Variants in CPD observed in about 807,000 individuals in gnomAD.
The protein encoded by CPD is carboxypeptidase D, also known as metallocarboxypeptidase D.
A neutral mutation model predicts 138.3 loss-of-function variants in CPD; 69 were observed. The ratio of observed to expected loss-of-function variants is 0.50; its 90% CI spans 0.41 to 0.61. CPD has a LOEUF of 0.61. CPD is among the 20% of genes least tolerant of loss of function. CPD has a pLI of 0.00. For synonymous variants in CPD, 651 were observed against 642.1 expected, an observed-to-expected ratio of 1.01 and a Z score of -0.21; for missense variants, 1,432 against 1,733.3, an observed-to-expected ratio of 0.83 and a Z score of 3.09.
chr17:30,432,034 T>C (rs1356434582), intron 8 of CPD, among the ~76,000 whole-genome samples, 153 bp downstream of exon 8: 1 of 152,190 alleles, frequency 6.6e-6, no homozygotes, highest in Non-Finnish European at 1.5e-5. Context: ...TTCTCCTGTT[T>C]CCCACCTCAC....
At chr17:30,386,437 A>G (rs547160168) in intron 2 of CPD, among the ~76,000 whole-genome samples, 1 of 152,308 alleles carries the variant, frequency 6.6e-6, no homozygotes, top group African/African-American at 2.4e-5. Context: ...ACATACATAT[A>G]TATATACATA....
intron 9 of CPD, among the ~76,000 whole-genome samples, chr17:30,439,403 T>TC (rs1485357934): frequency 2.7e-5 from 4 of 150,454 alleles, no homozygotes; most frequent in South Asian, 2.1e-4. Flanking sequence ...TCTTTTTTTT[T>TC]TTTTCTTTTC....
At chr17:30,380,407 T>C (rs777753919) in intron 1 of CPD, 27 of 1,074,926 alleles carry the variant, frequency 2.5e-5, no homozygotes, top group African/African-American at 1.5e-4. Flanking sequence ...TAAGAAGATA[T>C]GGACTTAGCT....
At chr17:30,396,375 TAAA>T (rs901313250) in intron 2 of CPD, among the ~76,000 whole-genome samples, 2 of 145,060 alleles carry the variant, frequency 1.4e-5, no homozygotes, top group African/African-American at 2.5e-5. Flanking sequence ...CAGAGGCAAG[TAAA>T]AAAAAAAACA....
intron 20 of CPD, among the ~76,000 whole-genome samples, chr17:30,463,762 T>C (rs1280590668): frequency 1.3e-5 from 2 of 152,154 alleles, no homozygotes; most frequent in Non-Finnish European, 2.9e-5. Context: ...ATAGATCCTG[T>C]GTGGTGTGTT....
intron 2 of CPD, among the ~76,000 whole-genome samples, chr17:30,397,500 A>G (rs576203221): frequency 6.6e-6 from 1 of 152,258 alleles, no homozygotes; most frequent in Non-Finnish European, 1.5e-5. Flanking sequence ...TGGGAGGCCG[A>G]TGCAGAAGGA....
In CPD at chr17:30,421,767, G is replaced by A. The variant is rs1482773359; in HGVS notation, c.1241G>A (p.Gly414Asp). ...GGTATTAATCATAATATCACAACAG[G>A]CAGATTTGGTGATTTCTACCGATTA... ...VAGINHNITTGRFGDFYRLLV... is the reference protein window; with the variant it reads ...VAGINHNITTDRFGDFYRLLV... Residue 414 changes from glycine (G) to aspartate (D), a missense_variant, in exon 4 of 21, where the codon GGC becomes GAC. Gly to Asp is a moderately conservative substitution (Grantham distance 94, BLOSUM62 -1). Around this residue, in one of 6 missense-constraint regions of CPD, gnomAD observed 160 missense variants for 197.9 expected, o/e 0.81. Transcript: ENST00000225719. 1 of 1,613,656 alleles carries A rather than the reference G, an allele frequency of 6.2e-7. No homozygotes were observed. The highest frequency in any genetic ancestry group is 8.5e-7 in the Non-Finnish European group (1 of 1,179,660).
At chr17:30,459,203 ATT>A (rs1207709641) in intron 17 of CPD, among the ~76,000 whole-genome samples, 2 of 84,020 alleles carry the variant, frequency 2.4e-5, no homozygotes, top group South Asian at 3.3e-4. Flanking sequence ...TTTTTTATTT[ATT>A]TTTATTTATT....
At position 30,445,839 on chromosome 17, in the gene CPD, A is replaced by G. The variant is rs28396255; in HGVS notation, c.2692A>G (p.Thr898Ala). 3.7e-6 allele frequency: 6 copies of G among 1,614,148 alleles called. No individual in the cohort carries two copies. The highest frequency in any genetic ancestry group is 3.3e-5 in the Admixed American group (2 of 59,976). The change falls in exon 12 of 21, where the codon ACT (threonine) becomes GCT (alanine). Residue 898 changes from threonine (T) to alanine (A), a missense_variant. Transcript: ENST00000225719. Reference sequence around the variant, plus strand: ...CAGCACCAATGATGCCAGTGATCCAACTACTAAAGAGTTTGAAACTTTAAT... The same window carrying G: ...CAGCACCAATGATGCCAGTGATCCAGCTACTAAAGAGTTTGAAACTTTAAT... ...SSSTNDASDP[T>A]TKEFETLIKD...
intron 3 of CPD, among the ~76,000 whole-genome samples, chr17:30,421,413 T>C (rs1479164345): frequency 6.6e-6 from 1 of 152,160 alleles, no homozygotes; most frequent in African/African-American, 2.4e-5. Context: ...TTGAGAAAAT[T>C]AGAAATCTGG....
chr17:30,395,424 G>C (rs1911477452), intron 2 of CPD, among the ~76,000 whole-genome samples: 4 of 152,020 alleles, frequency 2.6e-5, no homozygotes, highest in Admixed American at 2.6e-4. Context: ...TTTAAAATCT[G>C]AGTGCTGCCT....
At chr17:30,455,592 A>G (rs1913271969) in intron 15 of CPD, 122 bp downstream of exon 15, 1 of 1,083,602 alleles carries the variant, frequency 9.2e-7, no homozygotes, top group Non-Finnish European at 1.3e-6. Context: ...TGAGCAAATT[A>G]CCAACCAAAG....
At position 30,417,611 on chromosome 17, in the gene CPD, A is replaced by G. The variant is rs529828649; in HGVS notation, c.995-3230A>G. On this transcript the variant is annotated intron_variant, in intron 2 of 20. Coordinates refer to ENST00000225719, the MANE Select transcript of CPD (RefSeq NM_001304.5). ...TTCTTTCTCTCAACTCCCACTATCT[A>G]TCAGATCCTGTCAGTATCTTGTCTC... Among the ~76,000 whole-genome samples, 8 of 152,142 alleles carry G rather than the reference A, an allele frequency of 5.3e-5. No individual in the cohort carries two copies. The East Asian group carries it at 1.4e-3, about 26-fold the overall frequency.
At chr17:30,459,651 T>G (rs1913414735) in intron 17 of CPD, among the ~76,000 whole-genome samples, 1 of 152,152 alleles carries the variant, frequency 6.6e-6, no homozygotes, top group South Asian at 2.1e-4. Context: ...GTCATTCCAT[T>G]TGAATTTGAG....
In CPD at chr17:30,422,992, G is replaced by A; in HGVS notation, c.1626G>A (p.Glu542=). ...SVESRELYVM[E]ISDNPGVHEP... Reference sequence around the variant, plus strand: ...AGTCAAGAGAACTTTATGTGATGGAGATATCTGATAATCCGGGTGTCCATG... The same window carrying A: ...AGTCAAGAGAACTTTATGTGATGGAAATATCTGATAATCCGGGTGTCCATG... The change falls in exon 5 of 21, where the codon GAG becomes GAA. Residue 542 remains glutamate, a synonymous_variant. Transcript: ENST00000225719. 3 of 1,613,254 alleles carry A rather than the reference G, an allele frequency of 1.9e-6. No individual in the cohort carries two copies. Among genetic ancestry groups the A allele is most frequent in the Non-Finnish European group, 1.7e-6 (2 of 1,179,404 alleles).
rs745560379 is a variant in CPD at position 30,445,802 on chromosome 17, A to G, written c.2655A>G (p.Lys885=). The stretch of plus-strand genomic sequence containing the variant: ...CAAACAATGAATCAAAGAAAGGAAA[A>G]GGGGCTAGCAGCAGCACCAATGATG... ...TDSNNESKKG[K]GASSSTNDAS... is the part of the protein sequence containing the mutation. The change falls in exon 12 of 21, where the codon AAA becomes AAG. Residue 885 remains lysine (K), a synonymous_variant. Transcript: ENST00000225719. 6.2e-7 allele frequency: 1 copy of G among 1,614,066 alleles called. No homozygotes were observed. Among genetic ancestry groups the G allele is most frequent in the Non-Finnish European group, 8.5e-7 (1 of 1,179,968 alleles).
In CPD at chr17:30,388,735, T is replaced by C. The variant is rs1307070904; in HGVS notation, c.994+3499T>C. 2.6e-5 allele frequency among the ~76,000 whole-genome samples: 4 copies of C among 151,994 alleles called. No homozygotes were observed. In the East Asian group the frequency reaches 7.7e-4, roughly 29 times the overall value. ...CCCCTGGGAGCCTGTGGCGGGTGGC[T>C]CCTAATCCTCGCTGGGCCTGGGCCA... On this transcript the variant is annotated intron_variant, in intron 2 of 20. Coordinates refer to ENST00000225719, the MANE Select transcript of CPD (RefSeq NM_001304.5).
intron 8 of CPD, among the ~76,000 whole-genome samples, chr17:30,437,743 C>T (rs1458362107): frequency 6.8e-6 from 1 of 147,560 alleles, no homozygotes; most frequent in Non-Finnish European, 1.5e-5. Flanking sequence ...ATAATTATTA[C>T]AGTAATCTAA....
chr17:30,465,475 C>G lies in CPD; in HGVS notation c.*661C>G, dbSNP rs189793681. The G allele has an allele frequency of 6.5e-6, 1 of 152,732 alleles. No homozygotes were observed. The highest frequency in any genetic ancestry group is 1.5e-5 in the Non-Finnish European group (1 of 68,040). The allele number at this position is 152,732 out of a possible 1,614,324, so 9.5% of individuals were successfully genotyped here. A position where few individuals can be genotyped will look rare whatever the true frequency, so the allele number is the denominator to read the frequency against. The stretch of plus-strand genomic sequence containing the variant: ...ACCTCTCTTAAGGTTTAGCAAACTT[C>G]TAAATAGCCCATTTTAAGGGAGAAC... On this transcript the variant is annotated 3_prime_UTR_variant, in exon 21 of 21. Transcript: ENST00000225719.
Sources: gnomAD v4.1 joint callset for allele counts (sites outside exome capture counted in the v4.1 genomes callset) on GRCh38, gnomAD v4.1.1 for gene constraint, gnomAD v4.1.1 regional missense constraint, MANE v1.5 for transcripts, NCBI Gene and HGNC (gene_info 2026-07-23, HGNC 2026-07-21) for gene names.